Variants in KCTD16 observed in about 807,000 individuals in gnomAD.
KCTD16 encodes potassium channel tetramerization domain containing 16.
Under a neutral mutation model 33.2 loss-of-function variants are expected in KCTD16, and 13 were observed. That is an observed-to-expected ratio of 0.39 (90% CI 0.25 to 0.62). The LOEUF (loss-of-function observed/expected upper bound fraction) is 0.62. Among genes scored for constraint, KCTD16 ranks in the 20% least tolerant of loss-of-function variants. The probability of loss-of-function intolerance (pLI) is 0.50; values close to 1 mark genes in which losing one functional copy is unlikely to be tolerated. For synonymous variants in KCTD16, 197 were observed against 195.3 expected, an observed-to-expected ratio of 1.01 and a Z score of -0.07; for missense variants, 441 against 525.1, an observed-to-expected ratio of 0.84 and a Z score of 1.57.
At chr5:144,213,514 C>T (rs955784075) in intron 3 of KCTD16, among the ~76,000 whole-genome samples, 1 of 151,706 alleles carries the variant, frequency 6.6e-6, no homozygotes, top group Non-Finnish European at 1.5e-5. Flanking sequence ...TTTGCTCATC[C>T]ATCTCTATGA....
At chr5:144,269,267 T>A (rs1228889486) in intron 3 of KCTD16, among the ~76,000 whole-genome samples, 1 of 151,832 alleles carries the variant, frequency 6.6e-6, no homozygotes, top group South Asian at 2.1e-4. Flanking sequence ...GTAAGATGAA[T>A]GCAAAGAGAC....
At chr5:144,236,601 A>G (rs114232339) in intron 3 of KCTD16, among the ~76,000 whole-genome samples, 1,703 of 152,296 alleles carry the variant, frequency 0.011, 31 homozygotes, top group African/African-American at 0.038. Context: ...GAAAGGTGCC[A>G]TCTTAGATAA....
At chr5:144,427,567 A>G (rs1362218468) in intron 3 of KCTD16, among the ~76,000 whole-genome samples, 3 of 152,102 alleles carry the variant, frequency 2.0e-5, no homozygotes, top group Admixed American at 1.3e-4. Flanking sequence ...AAATTGAAGA[A>G]GAGAAGATAC....
At chr5:144,336,636 C>T (rs892999329) in intron 3 of KCTD16, among the ~76,000 whole-genome samples, 6 of 152,104 alleles carry the variant, frequency 3.9e-5, no homozygotes, top group Non-Finnish European at 8.8e-5. Context: ...AAAGAAGTTG[C>T]CAGGTTTCAA....
At chr5:144,174,883 C>A (rs1752467957) in intron 2 of KCTD16, among the ~76,000 whole-genome samples, 1 of 152,064 alleles carries the variant, frequency 6.6e-6, no homozygotes, top group Admixed American at 6.6e-5. Context: ...ATCAAAAATA[C>A]CCTCTTCAGT....
chr5:144,454,251 A>G (rs924710754), intron 3 of KCTD16, among the ~76,000 whole-genome samples: 2 of 152,202 alleles, frequency 1.3e-5, no homozygotes, highest in African/African-American at 2.4e-5. Flanking sequence ...TTCAGTAACA[A>G]GTTTATGCAG....
chr5:144,416,812 T>A (rs552516271), intron 3 of KCTD16, among the ~76,000 whole-genome samples: 1 of 152,140 alleles, frequency 6.6e-6, no homozygotes, highest in Non-Finnish European at 1.5e-5. Flanking sequence ...AAGCTACCAA[T>A]CTGTTTTTGT....
intron 3 of KCTD16, among the ~76,000 whole-genome samples, chr5:144,337,937 T>C (rs1752532832): frequency 6.6e-6 from 1 of 152,186 alleles, no homozygotes; most frequent in Admixed American, 6.5e-5. Context: ...TTTAGGATTG[T>C]TGTGAATATT....
intron 3 of KCTD16, among the ~76,000 whole-genome samples, chr5:144,316,003 TTA>T (rs201893900): frequency 5.2e-4 from 79 of 152,180 alleles, no homozygotes; most frequent in African/African-American, 1.8e-3. Flanking sequence ...TTTTTTTTTT[TTA>T]AAAGGTCAGC....
chr5:144,179,696 G>C (rs1006377347), intron 2 of KCTD16, among the ~76,000 whole-genome samples: 2 of 152,176 alleles, frequency 1.3e-5, no homozygotes, highest in African/African-American at 2.4e-5. Context: ...CTTTCGGCTA[G>C]TACATGACAA....
At chr5:144,198,364 A>G (rs1446777941) in intron 2 of KCTD16, among the ~76,000 whole-genome samples, 1 of 152,176 alleles carries the variant, frequency 6.6e-6, no homozygotes, top group East Asian at 1.9e-4. Context: ...GATTTCTTGC[A>G]AATAATTCAA....
intron 3 of KCTD16, among the ~76,000 whole-genome samples, chr5:144,433,777 A>G (rs1453985976): frequency 6.6e-6 from 1 of 152,112 alleles, no homozygotes; most frequent in Non-Finnish European, 1.5e-5. Context: ...ATGATGTTTG[A>G]AGTCCTTAAA....
intron 3 of KCTD16, among the ~76,000 whole-genome samples, chr5:144,466,255 T>A (rs201659520): frequency 1.0e-4 from 15 of 150,000 alleles, no homozygotes; most frequent in Admixed American, 7.9e-4. Context: ...TTTTTTTTTT[T>A]CATGAGCTAA....
At chr5:144,423,510 A>G (rs1248674001) in intron 3 of KCTD16, among the ~76,000 whole-genome samples, 2 of 152,090 alleles carry the variant, frequency 1.3e-5, no homozygotes, top group Non-Finnish European at 2.9e-5. Flanking sequence ...CAATGTCTCT[A>G]GATACTGTTG....
At chr5:144,368,147 A>C (rs1363583) in intron 3 of KCTD16, among the ~76,000 whole-genome samples, 44,630 of 151,524 alleles carry the variant, frequency 0.29, 6,895 homozygotes, top group African/African-American at 0.38. Context: ...ACTCCTGCAT[A>C]TGATAAGCAT....
chr5:144,334,121 T>C (rs1227578517), intron 3 of KCTD16, among the ~76,000 whole-genome samples: 1 of 152,220 alleles, frequency 6.6e-6, no homozygotes, highest in African/African-American at 2.4e-5. Flanking sequence ...AACCAGCTTA[T>C]ACAACAGACT....
chr5:144,344,508 G>GA (rs1561574761), intron 3 of KCTD16, among the ~76,000 whole-genome samples: 1 of 151,474 alleles, frequency 6.6e-6, no homozygotes, highest in Non-Finnish European at 1.5e-5. Context: ...AAATTTACAA[G>GA]AAAAAAACAA....
At chr5:144,414,250 A>G (rs1400266590) in intron 3 of KCTD16, among the ~76,000 whole-genome samples, 1 of 152,180 alleles carries the variant, frequency 6.6e-6, no homozygotes, top group East Asian at 1.9e-4. Flanking sequence ...CGGTGTCGAC[A>G]TTGTATAGTA....
intron 3 of KCTD16, among the ~76,000 whole-genome samples, chr5:144,351,262 T>C (rs1002149284): frequency 2.0e-5 from 3 of 152,180 alleles, no homozygotes; most frequent in African/African-American, 4.8e-5. Context: ...TTGAACTTGA[T>C]TCTGTAGGTA....
Sources: allele counts gnomAD v4.1 joint callset (sites outside exome capture counted in the v4.1 genomes callset), GRCh38; gene constraint gnomAD v4.1.1; transcripts MANE v1.5; gene names NCBI Gene and HGNC (gene_info 2026-07-23, HGNC 2026-07-21).